LRP1B: variants seen among roughly 807,000 people sequenced by gnomAD.
LRP1B encodes LDL receptor related protein 1B, also known as low-density lipoprotein receptor-related protein 1B.
LRP1B carries 217 observed loss-of-function variants against 556.6 expected under a neutral mutation model. That is an observed-to-expected ratio of 0.39 (90% confidence interval 0.35 to 0.44). The LOEUF (loss-of-function observed/expected upper bound fraction) is 0.44. Ranked by LOEUF, LRP1B falls within the 20% of genes least tolerant of loss-of-function variation. LRP1B has a pLI of 1.00. For synonymous variants in LRP1B, 2,047 were observed against 1,865.8 expected, an observed-to-expected ratio of 1.10 and a Z score of -2.50; for missense variants, 5,053 against 5,620.8, an observed-to-expected ratio of 0.90 and a Z score of 3.23.
At chr2:141,777,486 GCTC>G (rs954953195) in intron 2 of LRP1B, among the ~76,000 whole-genome samples, 4 of 151,976 alleles carry the variant, frequency 2.6e-5, no homozygotes, top group Non-Finnish European at 5.9e-5. Flanking sequence ...CGCAGTCTCG[GCTC>G]ACTGCAGCCT....
chr2:141,043,331 T>A (rs1420523527), intron 11 of LRP1B, among the ~76,000 whole-genome samples: 1 of 151,936 alleles, frequency 6.6e-6, no homozygotes, highest in Non-Finnish European at 1.5e-5. Flanking sequence ...TTTGCATTGT[T>A]TTACTTGCAG....
intron 2 of LRP1B, among the ~76,000 whole-genome samples, chr2:141,719,233 A>ACT (rs1692730925): frequency 5.3e-5 from 8 of 152,170 alleles, no homozygotes; most frequent in Admixed American, 3.9e-4. Flanking sequence ...CACTTTCAAC[A>ACT]GTTAACAATC....
At chr2:141,112,783 T>G (rs189572450) in intron 7 of LRP1B, among the ~76,000 whole-genome samples, 139 of 152,330 alleles carry the variant, frequency 9.1e-4, no homozygotes, top group African/African-American at 3.3e-3. Flanking sequence ...ATGGAACTAC[T>G]GCAAATAATG....
intron 2 of LRP1B, among the ~76,000 whole-genome samples, chr2:141,614,085 A>AAAAAAT: frequency 6.8e-6 from 1 of 146,680 alleles, no homozygotes; most frequent in Non-Finnish European, 1.5e-5. Flanking sequence ...AGCCTCAAAA[A>AAAAAAT]AAAAAAAAAA....
intron 40 of LRP1B, among the ~76,000 whole-genome samples, chr2:140,701,300 T>C (rs768863583): frequency 6.6e-6 from 1 of 152,144 alleles, no homozygotes; most frequent in Non-Finnish European, 1.5e-5. Flanking sequence ...ACTTTGGAAA[T>C]ATTTTACATT....
intron 1 of LRP1B, among the ~76,000 whole-genome samples, chr2:141,892,688 G>A (rs923228766): frequency 6.6e-6 from 1 of 152,098 alleles, no homozygotes; most frequent in African/African-American, 2.4e-5. Flanking sequence ...TTTTACAGAT[G>A]AATAAACAAG....
At chr2:140,602,538 A>G (rs1046687599) in intron 41 of LRP1B, among the ~76,000 whole-genome samples, 2 of 152,020 alleles carry the variant, frequency 1.3e-5, no homozygotes, top group Non-Finnish European at 2.9e-5. Flanking sequence ...CCAAGAAATT[A>G]ACATTATTAC....
At chr2:140,399,403 C>G (rs1684397507) in intron 66 of LRP1B, among the ~76,000 whole-genome samples, 1 of 151,932 alleles carries the variant, frequency 6.6e-6, no homozygotes, top group Admixed American at 6.6e-5. Context: ...ATGTGTAAAG[C>G]ATTTAATTAT....
intron 58 of LRP1B, among the ~76,000 whole-genome samples, chr2:140,487,329 C>T (rs1016670681): frequency 1.3e-5 from 2 of 151,946 alleles, no homozygotes; most frequent in Non-Finnish European, 2.9e-5. Context: ...ACTAATCCTT[C>T]TAGCTGAAAG....
chr2:140,381,140 A>G (rs1683464244), intron 67 of LRP1B, among the ~76,000 whole-genome samples: 1 of 151,964 alleles, frequency 6.6e-6, no homozygotes, highest in African/African-American at 2.4e-5. Flanking sequence ...TCAAAAAGAA[A>G]CTCTCTCTTC....
intron 2 of LRP1B, among the ~76,000 whole-genome samples, chr2:141,721,403 C>G (rs997886485): frequency 3.3e-5 from 5 of 152,078 alleles, no homozygotes; most frequent in Non-Finnish European, 7.4e-5. Context: ...TTCGTACTAT[C>G]GACCTCTTAC....
intron 2 of LRP1B, among the ~76,000 whole-genome samples, chr2:141,688,023 T>G (rs1032888163): frequency 2.7e-5 from 4 of 148,004 alleles, no homozygotes; most frequent in African/African-American, 7.5e-5. Flanking sequence ...AAAAAAAAAC[T>G]CTTAAAATGT....
At chr2:141,157,407 A>G (rs146407921) in intron 7 of LRP1B, among the ~76,000 whole-genome samples, 1,615 of 152,242 alleles carry the variant, frequency 0.011, 23 homozygotes, top group Non-Finnish European at 0.013. Context: ...CACTTTGGAG[A>G]AGAACAGTCT....
rs201889231 is a variant in LRP1B, at chr2:141,679,306, G to A, written c.205+130973C>T. On this transcript the variant is annotated intron_variant, in intron 2 of 90. Coordinates refer to ENST00000389484, the MANE Select transcript of LRP1B (RefSeq NM_018557.3). The stretch of plus-strand genomic sequence containing the variant: ...AGACATATGTATTTAGGCCAAGCCT[G>A]GAATCGTAATCCACAGAAACTGTAA... Among the ~76,000 whole-genome samples the A allele has an allele frequency of 9.9e-5, 15 of 152,190 alleles. No individual in the cohort carries two copies. In the East Asian group the frequency reaches 2.3e-3, roughly 24 times the overall value.
chr2:140,849,625 C>A (rs998515548), intron 29 of LRP1B, among the ~76,000 whole-genome samples: 1 of 151,812 alleles, frequency 6.6e-6, no homozygotes, highest in Non-Finnish European at 1.5e-5. Context: ...CTGCAACCTC[C>A]GCCTGCCAGG....
At chr2:141,256,292 T>C (rs1449110318) in intron 3 of LRP1B, among the ~76,000 whole-genome samples, 4 of 151,250 alleles carry the variant, frequency 2.6e-5, no homozygotes, top group Non-Finnish European at 5.9e-5. Context: ...AGAAAGTAAA[T>C]AGAAAGACCT....
chr2:140,425,463 G>T (rs1015383100), intron 66 of LRP1B, among the ~76,000 whole-genome samples: 1 of 152,056 alleles, frequency 6.6e-6, no homozygotes, highest in Non-Finnish European at 1.5e-5. Context: ...GAGTGCAGTG[G>T]CATGATCTTG....
chr2:141,765,240 T>C (rs1425522706), intron 2 of LRP1B, among the ~76,000 whole-genome samples: 1 of 152,088 alleles, frequency 6.6e-6, no homozygotes, highest in Admixed American at 6.6e-5. Context: ...AACAAGACAA[T>C]ACATTTAAGA....
intron 3 of LRP1B, among the ~76,000 whole-genome samples, chr2:141,414,004 G>A (rs1029757101): frequency 1.1e-4 from 17 of 152,236 alleles, no homozygotes; most frequent in African/African-American, 3.9e-4. Context: ...GCTGAGGTGG[G>A]CGCATCACGA....
Sources: gnomAD v4.1 joint callset for allele counts (sites outside exome capture counted in the v4.1 genomes callset) on GRCh38, gnomAD v4.1.1 for gene constraint, MANE v1.5 for transcripts, NCBI Gene and HGNC (gene_info 2026-07-23, HGNC 2026-07-21) for gene names.